Variants in ROBO2 observed in about 807,000 individuals in gnomAD.
ROBO2 encodes roundabout homolog 2.
A neutral mutation model predicts 160.8 loss-of-function variants in ROBO2; 53 were observed. That is an observed-to-expected ratio of 0.33 (90% confidence interval 0.26 to 0.41). The LOEUF (loss-of-function observed/expected upper bound fraction) is 0.41, where lower values mean the gene tolerates loss of function less well. ROBO2 is among the 10% of genes least tolerant of loss of function. The probability of loss-of-function intolerance (pLI) is 1.00; values close to 1 mark genes in which losing one functional copy is unlikely to be tolerated. For missense variants in ROBO2, 1,577 were observed against 1,722.4 expected (o/e 0.92, Z 1.49); for synonymous variants, 664 against 611.7 (o/e 1.09, Z -1.26).
At chr3:76,655,084 A>AT (rs1352901794) in intron 2 of ROBO2, among the ~76,000 whole-genome samples, 1 of 150,968 alleles carries the variant, frequency 6.6e-6, no homozygotes, top group African/African-American at 2.4e-5. Flanking sequence ...CGGGGTTACA[A>AT]TTTTTTAAAT....
chr3:77,648,222 C>G (rs2153726426), exon 26 of ROBO2: 1 of 152,258 alleles, frequency 6.6e-6, no homozygotes, highest in East Asian at 1.9e-4. Context: ...CCTGCCTAAC[C>G]TCTTTCTATT....
chr3:77,387,635 A>C (rs2074272967), intron 2 of ROBO2, among the ~76,000 whole-genome samples: 1 of 151,408 alleles, frequency 6.6e-6, no homozygotes, highest in Non-Finnish European at 1.5e-5. Context: ...AATTCACTCT[A>C]CCAAAAGAAA....
At chr3:77,294,966 A>G (rs1392806994) in intron 2 of ROBO2, among the ~76,000 whole-genome samples, 2 of 151,930 alleles carry the variant, frequency 1.3e-5, no homozygotes, top group Admixed American at 6.6e-5. Context: ...CTGAGGCTAG[A>G]TCACCAAAGA....
chr3:77,032,588 A>G lies in ROBO2; in HGVS notation c.110-65426A>G, dbSNP rs1249529308. Among the ~76,000 whole-genome samples the G allele has an allele frequency of 2.0e-5, 3 of 152,300 alleles. No individual in the cohort carries two copies. The East Asian group carries it at 5.8e-4, about 29-fold the overall frequency. ...TAGGCAACATTCAAAGTGGCTGATT[A>G]TATTTGTCAGCACAGGTGAAGTCCT... On this transcript the variant is annotated intron_variant, in intron 2 of 26. Transcript: ENST00000487694.
At chr3:76,978,365 T>C (rs1242750443) in intron 2 of ROBO2, among the ~76,000 whole-genome samples, 1 of 152,198 alleles carries the variant, frequency 6.6e-6, no homozygotes, top group African/African-American at 2.4e-5. Context: ...CTTTTTTCTG[T>C]ATTTTCCTGT....
At chr3:77,157,434 A>G (rs771294416) in intron 2 of ROBO2, among the ~76,000 whole-genome samples, 7 of 152,186 alleles carry the variant, frequency 4.6e-5, no homozygotes, top group Admixed American at 3.3e-4. Flanking sequence ...TGATTCTCCA[A>G]TTCCCATGTT....
intron 2 of ROBO2, among the ~76,000 whole-genome samples, chr3:76,904,108 A>G (rs1033428773): frequency 2.0e-5 from 3 of 152,116 alleles, no homozygotes; most frequent in Non-Finnish European, 4.4e-5. Context: ...CCTCCTAAAT[A>G]CATAATAATT....
intron 2 of ROBO2, among the ~76,000 whole-genome samples, chr3:76,269,593 A>AG (rs1459756490): frequency 2.0e-5 from 3 of 151,844 alleles, no homozygotes; most frequent in Non-Finnish European, 4.4e-5. Context: ...AAATGAAAAA[A>AG]AAAAAACAGA....
At chr3:76,427,988 T>G (rs2076287546) in intron 2 of ROBO2, among the ~76,000 whole-genome samples, 1 of 152,172 alleles carries the variant, frequency 6.6e-6, no homozygotes, top group African/African-American at 2.4e-5. Flanking sequence ...ATAGATACTA[T>G]CAGGGGAATG....
At position 76,674,184 on chromosome 3, in the gene ROBO2, C is replaced by T. The variant is rs561642476; in HGVS notation, c.110-423830C>T. ...TGTAAACAAAAGGGGAAGGATGGAA[C>T]TGGAGGGATACATCCAAAACTAAAT... On this transcript the variant is annotated intron_variant, in intron 2 of 26. Transcript: ENST00000487694. Among the ~76,000 whole-genome samples the T allele has an allele frequency of 2.2e-4, 34 of 152,174 alleles. No individual in the cohort carries two copies. In the Middle Eastern group the frequency reaches 0.01, roughly 46 times the overall value.
chr3:76,323,229 G>A (rs1049872020), intron 2 of ROBO2, among the ~76,000 whole-genome samples: 1 of 151,458 alleles, frequency 6.6e-6, no homozygotes, highest in East Asian at 1.9e-4. Context: ...TGCCAGCATT[G>A]TGTTAAATGC....
chr3:76,805,323 C>T (rs984666145), intron 2 of ROBO2, among the ~76,000 whole-genome samples: 1 of 151,918 alleles, frequency 6.6e-6, no homozygotes, highest in South Asian at 2.1e-4. Context: ...CTGGGAATAT[C>T]TACTTTTCTT....
chr3:77,403,428 T>C (rs1412431830), intron 2 of ROBO2, among the ~76,000 whole-genome samples: 1 of 152,178 alleles, frequency 6.6e-6, no homozygotes, highest in African/African-American at 2.4e-5. Context: ...ACTTCCACTG[T>C]TTAGAGTCCA....
chr3:76,684,579 C>A (rs2092643750), intron 2 of ROBO2, among the ~76,000 whole-genome samples: 1 of 152,066 alleles, frequency 6.6e-6, no homozygotes, highest in Non-Finnish European at 1.5e-5. Flanking sequence ...ATTAATTTTA[C>A]ATTATAGTAA....
intron 2 of ROBO2, among the ~76,000 whole-genome samples, chr3:75,955,349 C>A (rs545286284): frequency 6.6e-6 from 1 of 151,792 alleles, no homozygotes; most frequent in African/African-American, 2.4e-5. Flanking sequence ...ATATAAATTT[C>A]TTTGCAAGAA....
chr3:77,357,736 T>C (rs1247950009), intron 2 of ROBO2, among the ~76,000 whole-genome samples: 1 of 152,196 alleles, frequency 6.6e-6, no homozygotes, highest in Non-Finnish European at 1.5e-5. Flanking sequence ...AGCATTTTTC[T>C]GTTGAGAAAG....
At chr3:76,449,142 T>G (rs905745269) in intron 2 of ROBO2, among the ~76,000 whole-genome samples, 5 of 152,152 alleles carry the variant, frequency 3.3e-5, no homozygotes, top group South Asian at 2.1e-4. Flanking sequence ...AAATGTCCCC[T>G]TAATAGAAAA....
intron 13 of ROBO2, among the ~76,000 whole-genome samples, chr3:77,570,082 T>C (rs2153667272): frequency 6.6e-6 from 1 of 152,066 alleles, no homozygotes; most frequent in East Asian, 1.9e-4. Flanking sequence ...GATACAAAAC[T>C]AACAAAGCCA....
intron 2 of ROBO2, among the ~76,000 whole-genome samples, chr3:76,056,586 A>G (rs1244887324): frequency 6.6e-6 from 1 of 152,174 alleles, no homozygotes; most frequent in Non-Finnish European, 1.5e-5. Flanking sequence ...AAAGAAAAAG[A>G]AAAGAAAAAG....
Sources: gnomAD v4.1 joint callset for allele counts (sites outside exome capture counted in the v4.1 genomes callset) on GRCh38, gnomAD v4.1.1 for gene constraint, MANE v1.5 for transcripts, NCBI Gene and HGNC (gene_info 2026-07-23, HGNC 2026-07-21) for gene names.